The following SLC25A37 variants were observed in gnomAD, a reference collection of about 807,000 sequenced individuals.
SLC25A37 encodes the protein mitoferrin-1.
SLC25A37 carries 17 observed loss-of-function variants against 31.0 expected under a neutral mutation model. That is an observed-to-expected ratio of 0.55 (90% CI 0.38 to 0.82). The LOEUF is 0.82. Ranked by LOEUF, SLC25A37 falls within the 40% of genes least tolerant of loss-of-function variation. SLC25A37 has a pLI of 0.00. For missense variants in SLC25A37, 404 were observed against 465.8 expected, an observed-to-expected ratio of 0.87 and a Z score of 1.22; for synonymous variants, 222 against 193.0, an observed-to-expected ratio of 1.15 and a Z score of -1.24.
chr8:23,569,802 G>A (rs992477536), intron 3 of SLC25A37, among the ~76,000 whole-genome samples: 1 of 152,142 alleles, frequency 6.6e-6, no homozygotes, highest in Non-Finnish European at 1.5e-5. Context: ...TACCTTTTGG[G>A]CCTGGCACTG....
At chr8:23,540,994 C>T (rs1053477648) in intron 1 of SLC25A37, among the ~76,000 whole-genome samples, 3 of 152,228 alleles carry the variant, frequency 2.0e-5, no homozygotes, top group African/African-American at 7.2e-5. Flanking sequence ...TCCAGGCTCT[C>T]ATTCCAGCAC....
At chr8:23,534,817 C>T (rs988422995) in intron 1 of SLC25A37, among the ~76,000 whole-genome samples, 4 of 152,212 alleles carry the variant, frequency 2.6e-5, no homozygotes, top group African/African-American at 7.2e-5. Context: ...ACGCACAGAA[C>T]AGTTGATACT....
intron 1 of SLC25A37, among the ~76,000 whole-genome samples, chr8:23,561,934 G>T (rs2942200): frequency 6.6e-6 from 1 of 152,000 alleles, no homozygotes; most frequent in Non-Finnish European, 1.5e-5. Context: ...ATGAGATGCC[G>T]TGACCAAGGT....
intron 3 of SLC25A37, among the ~76,000 whole-genome samples, chr8:23,570,189 G>A (rs1211111389): frequency 6.6e-6 from 1 of 152,144 alleles, no homozygotes; most frequent in Non-Finnish European, 1.5e-5. Flanking sequence ...TGTGCCGCAC[G>A]AGGCATGCTG....
At chr8:23,540,423 G>A (rs558006352) in intron 1 of SLC25A37, among the ~76,000 whole-genome samples, 1 of 152,322 alleles carries the variant, frequency 6.6e-6, no homozygotes, top group Admixed American at 6.5e-5. Context: ...GAGTTGAGTC[G>A]AGGGAGTAAC....
At chr8:23,566,756 A>G (rs1802671972) in intron 2 of SLC25A37, 1 of 994,254 alleles carries the variant, frequency 1.0e-6, no homozygotes, top group Non-Finnish European at 1.2e-6. Context: ...CTTTGAGACT[A>G]TTTAAAAACT....
In SLC25A37 at chr8:23,529,110, C is replaced by T. The variant is rs1377403812; in HGVS notation, c.108C>T (p.Tyr36=). 3 of 1,610,360 alleles carry T rather than the reference C, an allele frequency of 1.9e-6. No individual in the cohort carries two copies. Among genetic ancestry groups the T allele is most frequent in the Non-Finnish European group, 2.5e-6 (3 of 1,178,910 alleles). ...GGKDATGSED[Y]ENLPTSASVS... Reference sequence around the variant, plus strand: ...AGGACGCCACCGGGTCGGAGGACTACGAGAACCTGCCGACTAGCGCCTCCG... The same window carrying T: ...AGGACGCCACCGGGTCGGAGGACTATGAGAACCTGCCGACTAGCGCCTCCG... The change falls in exon 1 of 4, where the codon TAC becomes TAT. Residue 36 remains tyrosine (Y), a synonymous_variant. Coordinates refer to ENST00000519973, the MANE Select transcript of SLC25A37 (RefSeq NM_016612.4). The surrounding 1 kb of genome is among the most constrained non-coding windows in gnomAD (Gnocchi z 4.1).
chr8:23,557,947 C>T lies in SLC25A37; in HGVS notation c.211-8161C>T, dbSNP rs901842402. ...GAGAAAGTCTGGAACAGAGACGGTG[C>T]GGAGCAGCCTCTAGGGCTCAGCCCT... On this transcript the variant is annotated intron_variant, in intron 1 of 3. Transcript: ENST00000519973. Among the ~76,000 whole-genome samples, 6 of 152,146 alleles carry T rather than the reference C, an allele frequency of 3.9e-5. No homozygotes were observed. The South Asian group carries it at 6.2e-4, about 16-fold the overall frequency.
At chr8:23,546,513 G>GTA (rs1218216698) in intron 1 of SLC25A37, among the ~76,000 whole-genome samples, 1,976 of 67,762 alleles carry the variant, frequency 0.029, 59 homozygotes, top group African/African-American at 0.074. Context: ...ATATATATAG[G>GTA]TATATATATA....
intron 1 of SLC25A37, among the ~76,000 whole-genome samples, chr8:23,553,667 A>G (rs967745719): frequency 6.6e-6 from 1 of 152,212 alleles, no homozygotes; most frequent in Non-Finnish European, 1.5e-5. Context: ...TCGTCTGTCA[A>G]GATGCCCCTC....
intron 1 of SLC25A37, among the ~76,000 whole-genome samples, chr8:23,550,408 G>T (rs911845702): frequency 1.3e-5 from 2 of 152,190 alleles, no homozygotes; most frequent in Non-Finnish European, 2.9e-5. Flanking sequence ...ATAATTATAC[G>T]TGGAGGAATG....
intron 2 of SLC25A37, 83 bp downstream of exon 2, chr8:23,566,419 G>A: frequency 2.5e-5 from 38 of 1,513,788 alleles, no homozygotes; most frequent in Non-Finnish European, 3.3e-5. Context: ...CTGTGACCCA[G>A]CCGCCTCGAC....
rs184999511 is a variant in SLC25A37, at chr8:23,558,991, T to A, written c.211-7117T>A. Among the ~76,000 whole-genome samples the A allele has an allele frequency of 2.4e-3, 363 of 152,354 alleles. 9 individuals carry two copies. Among genetic ancestry groups the A allele is most frequent in the Admixed American group, 0.021 (319 of 15,306 alleles). ...TCTGACTCTCTCTGACACCTGGATG[T>A]TCTTGGCACTTGCTGCTTCAAGGGC... On this transcript the variant is annotated intron_variant, in intron 1 of 3. Coordinates refer to ENST00000519973, the MANE Select transcript of SLC25A37 (RefSeq NM_016612.4).
intron 1 of SLC25A37, among the ~76,000 whole-genome samples, chr8:23,564,833 C>T (rs1802609692): frequency 6.6e-6 from 1 of 151,978 alleles, no homozygotes; most frequent in Admixed American, 6.6e-5. Flanking sequence ...ATCTGTCTGT[C>T]TGTCTGTCTG....
intron 2 of SLC25A37, chr8:23,568,048 G>T: frequency 2.1e-6 from 1 of 487,658 alleles, no homozygotes; most frequent in Non-Finnish European, 3.8e-6. Flanking sequence ...AACACTTGCA[G>T]GTTTAGCTTT....
At chr8:23,550,943 C>T (rs1253286606) in intron 1 of SLC25A37, among the ~76,000 whole-genome samples, 7 of 152,154 alleles carry the variant, frequency 4.6e-5, no homozygotes, top group Non-Finnish European at 8.8e-5. Flanking sequence ...CTGGCTGTTG[C>T]CCCCAGGGCT....
chr8:23,550,975 C>T (rs774438039), intron 1 of SLC25A37, among the ~76,000 whole-genome samples: 7 of 152,198 alleles, frequency 4.6e-5, no homozygotes, highest in African/African-American at 9.6e-5. Flanking sequence ...AGTTCAGAGG[C>T]GAGCCAGCTC....
intron 1 of SLC25A37, among the ~76,000 whole-genome samples, chr8:23,545,948 A>G (rs971362740): frequency 7.9e-5 from 12 of 152,316 alleles, no homozygotes; most frequent in Admixed American, 7.8e-4. Flanking sequence ...CAGCCTGGCC[A>G]ACATGGTGAA....
intron 3 of SLC25A37, among the ~76,000 whole-genome samples, chr8:23,570,397 G>A (rs946721957): frequency 1.4e-5 from 2 of 142,304 alleles, no homozygotes; most frequent in East Asian, 2.1e-4. Context: ...GGCATTCTTA[G>A]GTAAGCGGTG....
Sources: allele counts gnomAD v4.1 joint callset (sites outside exome capture counted in the v4.1 genomes callset), GRCh38; gene constraint gnomAD v4.1.1; non-coding constraint Gnocchi (gnomAD v3.1); transcripts MANE v1.5; gene names NCBI Gene and HGNC (gene_info 2026-07-23, HGNC 2026-07-21).